LTBP4: variants seen among roughly 807,000 people sequenced by gnomAD.
LTBP4 encodes the protein latent-transforming growth factor beta-binding protein 4.
LTBP4 carries 93 observed loss-of-function variants against 180.2 expected under a neutral mutation model. The observed-to-expected ratio is 0.52, with a 90% confidence interval of 0.44 to 0.61. The LOEUF (loss-of-function observed/expected upper bound fraction) is 0.61, where lower values mean the gene tolerates loss of function less well. Ranked by LOEUF, LTBP4 falls within the 20% of genes least tolerant of loss-of-function variation. The pLI, the probability that LTBP4 is intolerant of heterozygous loss-of-function variation, is 0.00. For synonymous variants in LTBP4, 947 were observed against 934.5 expected, an observed-to-expected ratio of 1.01 and a Z score of -0.24; for missense variants, 2,116 against 2,256.5, an observed-to-expected ratio of 0.94 and a Z score of 1.26.
chr19:40,597,988 CTG>C (rs1419047364), upstream of LTBP4, among the ~76,000 whole-genome samples: 5 of 152,158 alleles, frequency 3.3e-5, no homozygotes, highest in East Asian at 7.7e-4. Flanking sequence ...TTAGAGGACT[CTG>C]GGATTGAATG....
rs770862604 is a variant in LTBP4, at chr19:40,622,721, G to A, written c.3484+54G>A. On this transcript the variant is annotated intron_variant, in intron 23 of 29. Coordinates refer to ENST00000396819, the MANE Select transcript of LTBP4 (RefSeq NM_001042545.2). This position sits in a 1 kb window ranked among gnomAD's most constrained non-coding sequence, Gnocchi z 5.1. ...CTGAGGGCTTGGGTGGAAATACTGG[G>A]TGGGGTGTGGGCCTGGGACAGGGGA... 7.8e-5 allele frequency: 120 copies of A among 1,540,502 alleles called. No homozygotes were observed. The highest frequency in any genetic ancestry group is 1.0e-4 in the Non-Finnish European group (118 of 1,143,938).
At position 40,608,567 on chromosome 19, in the gene LTBP4, A is replaced by G. The variant is rs1462510408; in HGVS notation, c.1390A>G (p.Ile464Val). The G allele has an allele frequency of 5.6e-6, 9 of 1,602,680 alleles. No individual in the cohort carries two copies. The highest frequency in any genetic ancestry group is 6.8e-6 in the Non-Finnish European group (8 of 1,175,256). The change falls in exon 9 of 30, where the codon ATC becomes GTC. Residue 464 changes from isoleucine (I) to valine (V), a missense_variant. By Grantham distance (29) the Ile-to-Val change is conservative. This residue lies in a region of LTBP4 where 877 missense variants were observed against 873.6 expected (regional missense o/e 1.00). Transcript: ENST00000396819. ...RPGPELPLPS[I>V]PAWTGPEIPE... ...CGGCCCTGAGCTTCCCTTGCCCAGC[A>G]TCCCTGCCTGGACTGGTCCTGAGAT...
In LTBP4 at chr19:40,617,123, T is replaced by A. The variant is rs766055996; in HGVS notation, c.2968T>A (p.Ser990Thr). 6.2e-7 allele frequency: 1 copy of A among 1,613,932 alleles called. No homozygotes were observed. The highest frequency in any genetic ancestry group is 8.5e-7 in the Non-Finnish European group (1 of 1,179,880). ...CQDVDECRNR[S>T]FCGAHAVCQN... Reference sequence around the variant, plus strand: ...AGATGTGGACGAATGCCGGAACCGGTCCTTCTGCGGTGCCCACGCCGTGTG... The same window carrying A: ...AGATGTGGACGAATGCCGGAACCGGACCTTCTGCGGTGCCCACGCCGTGTG... The change falls in exon 21 of 30, where the codon TCC (serine) becomes ACC (threonine). Residue 990 changes from serine to threonine, a missense_variant. Ser to Thr is a moderately conservative substitution (Grantham distance 58). Coordinates refer to ENST00000396819, the MANE Select transcript of LTBP4 (RefSeq NM_001042545.2).
chr19:40,614,777 C>A (rs1489163529), intron 19 of LTBP4, among the ~76,000 whole-genome samples: 1 of 152,094 alleles, frequency 6.6e-6, no homozygotes, highest in Non-Finnish European at 1.5e-5. Flanking sequence ...AAAACCCCCT[C>A]TTCAGGCCCC....
intron 26 of LTBP4, among the ~76,000 whole-genome samples, chr19:40,625,275 TATATATATATATATATATATATA>T (rs2081618712): frequency 7.3e-4 from 9 of 12,360 alleles, no homozygotes; most frequent in African/African-American, 2.9e-3. Flanking sequence ...TATATATATA[TATATATATATATATATATATATA>T]TATATATATA....
rs143952216 is a variant in LTBP4, at chr19:40,614,770, A to AC, written c.2812+329dup. On this transcript the variant is annotated intron_variant, in intron 19 of 29. Coordinates refer to ENST00000396819, the MANE Select transcript of LTBP4 (RefSeq NM_001042545.2). ...CCTTCCAATCGGCCTCTGGATTAAA[A>AC]CCCCCTCTTCAGGCCCCTTCTCTTC... Among the ~76,000 whole-genome samples, 983 of 149,596 alleles carry AC rather than the reference A, an allele frequency of 6.6e-3. 6 individuals are homozygous for AC. Among genetic ancestry groups the AC allele is most frequent in the African/African-American group, 0.024 (952 of 40,434 alleles).
rs2081523262 is a variant in LTBP4 at position 40,613,482 on chromosome 19, C to G, written c.2510C>G (p.Thr837Ser). The change falls in exon 17 of 30, where the codon ACT becomes AGT. Residue 837 changes from threonine to serine, a missense_variant. Coordinates refer to ENST00000396819, the MANE Select transcript of LTBP4 (RefSeq NM_001042545.2). This position sits in a 1 kb window ranked among gnomAD's most constrained non-coding sequence, Gnocchi z 5.0. ...CLNTDGSFAC[T>S]CAPGYRPGPR... ...AACACTGACGGCTCCTTTGCCTGTACTTGTGCCCCTGGCTACCGACCCGGA... is the reference window on the plus strand; with the variant it reads ...AACACTGACGGCTCCTTTGCCTGTAGTTGTGCCCCTGGCTACCGACCCGGA... The G allele has an allele frequency of 6.3e-7, 1 of 1,590,286 alleles. No homozygotes were observed. Among genetic ancestry groups the G allele is most frequent in the Admixed American group, 1.8e-5 (1 of 56,882 alleles).
At position 40,626,486 on chromosome 19, in the gene LTBP4, C is replaced by G. The variant is rs1050308550; in HGVS notation, c.3985+477C>G. On this transcript the variant is annotated intron_variant, in intron 27 of 29. Coordinates refer to ENST00000396819, the MANE Select transcript of LTBP4 (RefSeq NM_001042545.2). ...CACACCACATCCGGGTGCCTAAGAC[C>G]CCAACACACAGCCCCAGAGATTCCC... is the stretch of plus-strand genomic sequence containing the variant. Among the ~76,000 whole-genome samples, 4 of 152,040 alleles carry G rather than the reference C, an allele frequency of 2.6e-5. No homozygotes were observed. In the East Asian group the frequency reaches 7.7e-4, roughly 29 times the overall value.
At chr19:40,597,102 A>G (rs2081394543), upstream of LTBP4, 2 of 875,410 alleles carry the variant, frequency 2.3e-6, no homozygotes, top group Non-Finnish European at 3.0e-6. Context: ...GGAAGTTCGC[A>G]GCCCGTGGCT....
intron 9 of LTBP4, chr19:40,608,804 G>A (rs1364224527): frequency 7.5e-6 from 4 of 533,612 alleles, no homozygotes; most frequent in Non-Finnish European, 1.3e-5. Flanking sequence ...CCAGCTACTT[G>A]GGAGGCTGAG....
Position 40,623,612 on chromosome 19 carries a change from G to A in LTBP4, c.3565G>A (p.Glu1189Lys), listed in dbSNP as rs754736184. ...GDLSLRRDVDECQLFRDQVCK... is the reference protein window; with the variant it reads ...GDLSLRRDVDKCQLFRDQVCK... ...CTCTGCTTTTCGCACAGACGTGGAC[G>A]AATGTCAGCTCTTCCGAGACCAGGT... The change falls in exon 25 of 30, where the codon GAA becomes AAA. Residue 1189 changes from glutamate to lysine, a missense_variant. Glu to Lys is a moderately conservative substitution (Grantham distance 56). This residue lies in a region of LTBP4 where 278 missense variants were observed against 373.0 expected (regional missense o/e 0.75). Coordinates refer to ENST00000396819, the MANE Select transcript of LTBP4 (RefSeq NM_001042545.2). 6 of 1,613,284 alleles carry A rather than the reference G, an allele frequency of 3.7e-6. No homozygotes were observed. Among genetic ancestry groups the A allele is most frequent in the Non-Finnish European group, 5.1e-6 (6 of 1,179,702 alleles).
chr19:40,611,365 G>T lies in LTBP4; in HGVS notation c.2024G>T (p.Arg675Leu). The change falls in exon 13 of 30, where the codon CGC (arginine) becomes CTC (leucine). Residue 675 changes from arginine (R) to leucine (L), a missense_variant. This residue lies in a region of LTBP4 where 877 missense variants were observed against 873.6 expected (regional missense o/e 1.00). Coordinates refer to ENST00000396819, the MANE Select transcript of LTBP4 (RefSeq NM_001042545.2). The surrounding 1 kb of genome is among the most constrained non-coding windows in gnomAD (Gnocchi z 4.4). ...CACTGTGCCTGCCCTGCTGGCTTCC[G>T]CTCCCGAGGGCCCGGGGCCCCCTGC... ...SFHCACPAGF[R>L]SRGPGAPCQD... The T allele has an allele frequency of 6.2e-7, 1 of 1,608,862 alleles. No individual in the cohort carries two copies. The highest frequency in any genetic ancestry group is 8.5e-7 in the Non-Finnish European group (1 of 1,178,368).
At position 40,607,500 on chromosome 19, in the gene LTBP4, G is replaced by T; in HGVS notation, c.1127G>T (p.Gly376Val). The T allele has an allele frequency of 6.2e-7, 1 of 1,612,120 alleles. No homozygotes were observed. The highest frequency in any genetic ancestry group is 1.1e-5 in the South Asian group (1 of 90,834). ...CGCGTAGGCAAGGCCTGGGGCCGGGGCTGCCAGCTCTGCCCACCCTTCGGC... is the reference window on the plus strand; with the variant it reads ...CGCGTAGGCAAGGCCTGGGGCCGGGTCTGCCAGCTCTGCCCACCCTTCGGC... The part of the protein sequence containing the change: ...CSRVGKAWGR[G>V]CQLCPPFGSE... Residue 376 changes from glycine to valine, a missense_variant, in exon 7 of 30, where the codon GGC (glycine) becomes GTC (valine). Transcript: ENST00000396819.
rs2081498576 is a variant in LTBP4, at chr19:40,610,587, C to T, written c.1740C>T (p.Asn580=). Residue 580 remains asparagine (N), a synonymous_variant, in exon 12 of 30, where the codon AAC becomes AAT. Coordinates refer to ENST00000396819, the MANE Select transcript of LTBP4 (RefSeq NM_001042545.2). ...CGTGTGACCTCGGGCGCTGCGAGAA[C>T]ACGCCAGGCAGCTTCCTGTGCGTGT... ...PPPCDLGRCE[N]TPGSFLCVCP... 1 of 1,591,048 alleles carries T rather than the reference C, an allele frequency of 6.3e-7. No homozygotes were observed. Among genetic ancestry groups the T allele is most frequent in the African/African-American group, 1.3e-5 (1 of 74,966 alleles).
At position 40,622,807 on chromosome 19, in the gene LTBP4, G is replaced by A. The variant is rs1164508209; in HGVS notation, c.3484+140G>A. On this transcript the variant is annotated intron_variant, in intron 23 of 29. Transcript: ENST00000396819. This position sits in a 1 kb window ranked among gnomAD's most constrained non-coding sequence, Gnocchi z 5.1. ...CAGGGCAAGGGCGAGCTGCCAGGCA[G>A]GTGGGCATGGGCAGACATAAGGCTG... 1 of 1,381,044 alleles carries A rather than the reference G, an allele frequency of 7.2e-7. No homozygotes were observed. Among genetic ancestry groups the A allele is most frequent in the Non-Finnish European group, 9.8e-7 (1 of 1,021,652 alleles). The allele number at this position is 1,381,044 out of a possible 1,614,324, so 85.5% of individuals were successfully genotyped here.
intron 22 of LTBP4, among the ~76,000 whole-genome samples, chr19:40,620,081 G>A (rs1226213495): frequency 6.6e-6 from 1 of 152,170 alleles, no homozygotes; most frequent in African/African-American, 2.4e-5. Context: ...GAGAAGAACT[G>A]AAACAGGTTC....
At chr19:40,610,800 A>G in intron 12 of LTBP4, 143 bp downstream of exon 12, 1 of 1,262,022 alleles carries the variant, frequency 7.9e-7, no homozygotes, top group Non-Finnish European at 1.1e-6. Context: ...GTGTGGCCTG[A>G]TGGCAGTAGA....
In LTBP4 at chr19:40,623,592, CT is replaced by C; in HGVS notation, c.3557-8del. 6.2e-7 allele frequency: 1 copy of C among 1,610,440 alleles called. No homozygotes were observed. ...CAGCCCGCCCCCATCTCTCTCTCTG[CT>C]TTTCGCACAGACGTGGACGAATGTC... On this transcript the variant is annotated splice_polypyrimidine_tract_variant and intron_variant, in intron 24 of 29. Transcript: ENST00000396819.
Position 40,629,007 on chromosome 19 carries a change from G to T in LTBP4, c.4520-389G>T, listed in dbSNP as rs935761495. 6.6e-6 allele frequency among the ~76,000 whole-genome samples: 1 copy of T among 151,936 alleles called. No individual in the cohort carries two copies. The highest frequency in any genetic ancestry group is 1.5e-5 in the Non-Finnish European group (1 of 67,980). ...TGGGATTACAGGCGCCCGCCACCAT[G>T]CCTGGCTAATTTTTGTATTCTTAGT... On this transcript the variant is annotated intron_variant, in intron 29 of 29. Transcript: ENST00000396819. This position sits in a 1 kb window ranked among gnomAD's most constrained non-coding sequence, Gnocchi z 4.5.
Sources: allele counts gnomAD v4.1 joint callset (sites outside exome capture counted in the v4.1 genomes callset), GRCh38; gene constraint gnomAD v4.1.1; regional missense constraint gnomAD v4.1.1; non-coding constraint Gnocchi (gnomAD v3.1); transcripts MANE v1.5; gene names NCBI Gene and HGNC (gene_info 2026-07-23, HGNC 2026-07-21).